The following MAP4K3 variants were observed in gnomAD, a reference collection of about 807,000 sequenced individuals.
MAP4K3 encodes the protein mitogen-activated protein kinase kinase kinase kinase 3, also known as MAPK/ERK kinase kinase kinase 3.
MAP4K3 carries 94 observed loss-of-function variants against 143.5 expected under a neutral mutation model. The ratio of observed to expected loss-of-function variants is 0.65; its 90% CI spans 0.55 to 0.78. The LOEUF is 0.78. Among genes scored for constraint, MAP4K3 ranks in the 30% least tolerant of loss-of-function variants. The pLI is 0.00. For synonymous variants in MAP4K3, 416 were observed against 347.2 expected (o/e 1.20, Z -2.20); for missense variants, 1,077 against 1,068.1 (o/e 1.01, Z -0.12).
chr2:39,415,311 T>C lies in MAP4K3; in HGVS notation c.96+21581A>G, dbSNP rs1321802947. ...CTTTGTTTAAGCAACAAAGGAAAAT[T>C]TGACAAGTTCTGCACTAAAATAATG... On this transcript the variant is annotated intron_variant, in intron 1 of 33. Transcript: ENST00000263881. 5.3e-5 allele frequency among the ~76,000 whole-genome samples: 8 copies of C among 152,312 alleles called. No homozygotes were observed. In the East Asian group the frequency reaches 7.7e-4, roughly 15 times the overall value.
intron 1 of MAP4K3, among the ~76,000 whole-genome samples, chr2:39,384,751 T>C (rs1344359062): frequency 1.3e-5 from 2 of 152,358 alleles, no homozygotes; most frequent in East Asian, 3.8e-4. Flanking sequence ...TATTTAAAAT[T>C]TGGAGTTTTT....
chr2:39,402,776 C>T (rs1666983407), intron 1 of MAP4K3, among the ~76,000 whole-genome samples: 1 of 147,892 alleles, frequency 6.8e-6, no homozygotes, highest in South Asian at 2.1e-4. Flanking sequence ...TCTAGCCAAA[C>T]CAATCAGAAA....
At chr2:39,257,842 A>G (rs1254714203) in intron 31 of MAP4K3, among the ~76,000 whole-genome samples, 1 of 151,970 alleles carries the variant, frequency 6.6e-6, no homozygotes, top group African/African-American at 2.4e-5. Context: ...TACCAGGAAG[A>G]TAACATTATC....
chr2:39,295,287 A>C (rs543400509), intron 16 of MAP4K3, among the ~76,000 whole-genome samples: 1 of 152,062 alleles, frequency 6.6e-6, no homozygotes, highest in South Asian at 2.1e-4. Flanking sequence ...TTAAGAATGG[A>C]GATTTTTTTT....
At chr2:39,270,157 T>G (rs1680952219) in intron 26 of MAP4K3, among the ~76,000 whole-genome samples, 1 of 152,188 alleles carries the variant, frequency 6.6e-6, no homozygotes, top group Admixed American at 6.5e-5. Flanking sequence ...TGCCAAGTTC[T>G]GAAAGACCAT....
At chr2:39,275,722 C>T (rs1558615837) in intron 24 of MAP4K3, among the ~76,000 whole-genome samples, 1 of 152,068 alleles carries the variant, frequency 6.6e-6, no homozygotes, top group Admixed American at 6.6e-5. Context: ...TCACTGTACA[C>T]CATTTCCAGA....
chr2:39,308,453 A>G (rs1236840478), intron 14 of MAP4K3, among the ~76,000 whole-genome samples: 2 of 152,122 alleles, frequency 1.3e-5, no homozygotes, highest in Non-Finnish European at 2.9e-5. Flanking sequence ...GGCTAATGAC[A>G]CCCTTTGTAT....
At chr2:39,277,548 G>C (rs1007008842) in intron 24 of MAP4K3, among the ~76,000 whole-genome samples, 1 of 151,974 alleles carries the variant, frequency 6.6e-6, no homozygotes, top group Non-Finnish European at 1.5e-5. Context: ...TCAGTATCTG[G>C]TAATTAGAAC....
At chr2:39,424,191 G>A (rs137955203) in intron 1 of MAP4K3, among the ~76,000 whole-genome samples, 3 of 152,064 alleles carry the variant, frequency 2.0e-5, no homozygotes, top group Admixed American at 6.5e-5. Context: ...TGATCCACCC[G>A]CCTCGGCCTC....
intron 1 of MAP4K3, among the ~76,000 whole-genome samples, chr2:39,390,109 GGA>G (rs2148594248): frequency 6.6e-6 from 1 of 152,226 alleles, no homozygotes; most frequent in African/African-American, 2.4e-5. Context: ...TCTTAATTGA[GGA>G]TACTAACCCC....
At chr2:39,374,398 T>C (rs1280941059) in intron 2 of MAP4K3, among the ~76,000 whole-genome samples, 1 of 151,690 alleles carries the variant, frequency 6.6e-6, no homozygotes, top group Non-Finnish European at 1.5e-5. Context: ...AAAAATAAAT[T>C]AGGCCAGGTT....
At chr2:39,298,662 G>A (rs1682384217) in intron 16 of MAP4K3, among the ~76,000 whole-genome samples, 1 of 152,004 alleles carries the variant, frequency 6.6e-6, no homozygotes, top group African/African-American at 2.4e-5. Flanking sequence ...TAATGCAACT[G>A]AAATAATATT....
At chr2:39,337,329 C>CA in intron 5 of MAP4K3, among the ~76,000 whole-genome samples, 197 bp downstream of exon 5, 1 of 152,014 alleles carries the variant, frequency 6.6e-6, no homozygotes, top group East Asian at 1.9e-4. Context: ...TAGGTTATAT[C>CA]ATCACATTTA....
chr2:39,355,772 A>C lies in MAP4K3; in HGVS notation c.245+477T>G, dbSNP rs562831683. 1.7e-3 allele frequency among the ~76,000 whole-genome samples: 254 copies of C among 152,008 alleles called. 6 individuals are homozygous for C. The East Asian group carries it at 0.024, about 14-fold the overall frequency. On this transcript the variant is annotated intron_variant, in intron 3 of 33. Coordinates refer to ENST00000263881, the MANE Select transcript of MAP4K3 (RefSeq NM_003618.4). ...TTCACAGTCCTAAGTTCACTTTAGG[A>C]CCTGGAAAAATAAGTTACTGAGATG...
chr2:39,283,659 A>C lies in MAP4K3; in HGVS notation c.1588-1105T>G, dbSNP rs376545102. The C allele has an allele frequency of 2.4e-3, 370 of 152,352 alleles. 1 individual carries two copies. The highest frequency in any genetic ancestry group is 8.5e-3 in the African/African-American group (355 of 41,588). The allele number at this position is 152,352 out of a possible 1,614,324, so 9.4% of individuals were successfully genotyped here. A position where few individuals can be genotyped will look rare whatever the true frequency, so the allele number is the denominator to read the frequency against. Reference sequence around the variant, plus strand: ...AAATATATTAATCATTGGTTAGAGTATACAGGCAATTATAAGGAGAAGAAA... The same window carrying C: ...AAATATATTAATCATTGGTTAGAGTCTACAGGCAATTATAAGGAGAAGAAA... On this transcript the variant is annotated intron_variant, in intron 21 of 33. Transcript: ENST00000263881.
chr2:39,311,116 TG>T (rs1682922889), intron 13 of MAP4K3, among the ~76,000 whole-genome samples: 1 of 152,196 alleles, frequency 6.6e-6, no homozygotes, highest in East Asian at 1.9e-4. Flanking sequence ...CTCTTTCCGT[TG>T]CCCAGGCTGG....
At chr2:39,279,507 G>T (rs1035329412) in intron 23 of MAP4K3, among the ~76,000 whole-genome samples, 1 of 152,152 alleles carries the variant, frequency 6.6e-6, no homozygotes, top group Non-Finnish European at 1.5e-5. Flanking sequence ...TTAAGAATCA[G>T]ATATACAGTG....
intron 12 of MAP4K3, among the ~76,000 whole-genome samples, chr2:39,316,221 T>G (rs935333925): frequency 1.3e-5 from 2 of 152,120 alleles, no homozygotes; most frequent in African/African-American, 4.8e-5. Flanking sequence ...TAATTAAATG[T>G]GATCACAAAG....
At chr2:39,338,321 T>C (rs1665041428) in intron 4 of MAP4K3, among the ~76,000 whole-genome samples, 1 of 152,218 alleles carries the variant, frequency 6.6e-6, no homozygotes, top group African/African-American at 2.4e-5. Context: ...GTATTATGAC[T>C]AGTTTTAAAT....
Sources: allele counts gnomAD v4.1 joint callset (sites outside exome capture counted in the v4.1 genomes callset), GRCh38; gene constraint gnomAD v4.1.1; transcripts MANE v1.5; gene names NCBI Gene and HGNC (gene_info 2026-07-23, HGNC 2026-07-21).